UBXN4: variants seen among roughly 807,000 people sequenced by gnomAD.
UBXN4 encodes the protein UBX domain-containing protein 4.
In UBXN4, 35 loss-of-function variants were observed where a neutral mutation model predicts 66.2. That is an observed-to-expected ratio of 0.53 (90% CI 0.40 to 0.70). The LOEUF (loss-of-function observed/expected upper bound fraction) is 0.70. Among genes scored for constraint, UBXN4 ranks in the 30% least tolerant of loss-of-function variants. UBXN4 has a pLI of 0.00. For missense variants in UBXN4, 533 were observed against 599.8 expected (o/e 0.89, Z 1.16); for synonymous variants, 203 against 204.5 (o/e 0.99, Z 0.06).
intron 9 of UBXN4, among the ~76,000 whole-genome samples, chr2:135,775,600 G>A (rs2077410033): frequency 6.6e-6 from 1 of 152,186 alleles, no homozygotes; most frequent in South Asian, 2.1e-4. Context: ...CGTAGAGATA[G>A]TAGATTAGTG....
intron 7 of UBXN4, among the ~76,000 whole-genome samples, chr2:135,770,050 A>G (rs2105504709): frequency 6.6e-6 from 1 of 152,278 alleles, no homozygotes; most frequent in Admixed American, 6.5e-5. Context: ...TCCCTCTGCA[A>G]TGATTTTTTT....
In UBXN4 at chr2:135,780,424, G is replaced by A. The variant is rs779956155; in HGVS notation, c.1388+39G>A. 6.3e-6 allele frequency: 10 copies of A among 1,582,032 alleles called. No individual in the cohort carries two copies. The East Asian group carries it at 2.0e-4, about 32-fold the overall frequency. On this transcript the variant is annotated intron_variant, in intron 12 of 12. Transcript: ENST00000272638. ...TTTTCCCCATTTATAAAATATGTAA[G>A]TCATGCCCAGTATCTTTTTTAAGTA...
chr2:135,747,414 T>C (rs1193229455), intron 1 of UBXN4, among the ~76,000 whole-genome samples: 3 of 150,538 alleles, frequency 2.0e-5, no homozygotes, highest in Admixed American at 6.6e-5. Flanking sequence ...TCCTTCATGC[T>C]CTATCAAGGT....
At chr2:135,753,740 C>T (rs1234195508) in intron 3 of UBXN4, 173 bp downstream of exon 3, 2 of 581,626 alleles carry the variant, frequency 3.4e-6, no homozygotes, top group South Asian at 6.4e-5. Context: ...TAGGAAATTT[C>T]AAACATATAT....
rs757689203 is a variant in UBXN4 at position 135,774,844 on chromosome 2, CAAA to C, written c.951-1392_951-1390del. On this transcript the variant is annotated intron_variant, in intron 9 of 12. Coordinates refer to ENST00000272638, the MANE Select transcript of UBXN4 (RefSeq NM_014607.4). ...TGGGCGACAGAGTGGGACTCTGTCT[CAAA>C]AAAAAAAAAAAATGCAAAGAACAAC... Among the ~76,000 whole-genome samples, 6 of 83,568 alleles carry C rather than the reference CAAA, an allele frequency of 7.2e-5. No homozygotes were observed. In the East Asian group the frequency reaches 1.1e-3, roughly 15 times the overall value. The allele number at this position is 83,568 out of a possible 152,430, so 54.8% of individuals were successfully genotyped here.
chr2:135,775,978 C>T (rs191064634), intron 9 of UBXN4, among the ~76,000 whole-genome samples: 17 of 152,198 alleles, frequency 1.1e-4, no homozygotes, highest in African/African-American at 3.4e-4. Flanking sequence ...CACGTTGGCC[C>T]GGCTGGTCTT....
intron 5 of UBXN4, among the ~76,000 whole-genome samples, chr2:135,760,707 TCCTATTG>T (rs2077310271): frequency 6.6e-6 from 1 of 152,226 alleles, no homozygotes; most frequent in South Asian, 2.1e-4. Context: ...GTGGTTAATT[TCCTATTG>T]AGCCTCTACT....
chr2:135,782,567 A>G (rs971474688), intron 12 of UBXN4, among the ~76,000 whole-genome samples, 182 bp from the exon 13 acceptor site: 1 of 152,336 alleles, frequency 6.6e-6, no homozygotes, highest in Non-Finnish European at 1.5e-5. Context: ...CTAAACTACC[A>G]AAGACTGCTA....
At chr2:135,743,846 G>A (rs1316685236) in intron 1 of UBXN4, among the ~76,000 whole-genome samples, 1 of 130,362 alleles carries the variant, frequency 7.7e-6, no homozygotes, top group Non-Finnish European at 1.8e-5. Flanking sequence ...TATAGGTCTT[G>A]CCTTTCGGGG....
At chr2:135,776,757 G>T (rs1312805930) in intron 10 of UBXN4, among the ~76,000 whole-genome samples, 1 of 151,842 alleles carries the variant, frequency 6.6e-6, no homozygotes, top group Non-Finnish European at 1.5e-5. Flanking sequence ...GCCATGCCCG[G>T]CTAATTTTTG....
chr2:135,781,144 G>A (rs1309925488), intron 12 of UBXN4, among the ~76,000 whole-genome samples: 5 of 152,212 alleles, frequency 3.3e-5, no homozygotes, highest in East Asian at 3.8e-4. Context: ...ACTTGAGCCC[G>A]GGAGATTGAG....
intron 1 of UBXN4, 92 bp from the exon 2 acceptor site, chr2:135,748,175 A>G (rs2077220865): frequency 4.2e-6 from 4 of 942,886 alleles, no homozygotes; most frequent in Non-Finnish European, 6.1e-6. Flanking sequence ...AGGTGGGATT[A>G]TATTTTATTT....
chr2:135,743,053 T>A (rs557680576), intron 1 of UBXN4, among the ~76,000 whole-genome samples: 1 of 152,218 alleles, frequency 6.6e-6, no homozygotes, highest in Non-Finnish European at 1.5e-5. Flanking sequence ...AAATCAATGT[T>A]TGTGGCTGTT....
intron 6 of UBXN4, among the ~76,000 whole-genome samples, chr2:135,766,424 C>A (rs2077348322): frequency 6.6e-6 from 1 of 152,176 alleles, no homozygotes; most frequent in Admixed American, 6.5e-5. Context: ...TCAGATTTCC[C>A]AGTTGCTCCA....
chr2:135,761,815 A>C lies in UBXN4; in HGVS notation c.509-3A>C. The stretch of plus-strand genomic sequence containing the variant: ...TCTTATTTCTTTTTATTTAATAATT[A>C]AGGAGGAGAAAGTGCAGGCCATGCC... On this transcript the variant is annotated splice_region_variant and splice_polypyrimidine_tract_variant and intron_variant, in intron 5 of 12. Transcript: ENST00000272638. 1 of 1,597,204 alleles carries C rather than the reference A, an allele frequency of 6.3e-7. No homozygotes were observed. The highest frequency in any genetic ancestry group is 8.5e-7 in the Non-Finnish European group (1 of 1,174,584).
Position 135,754,151 on chromosome 2 carries a change from C to G in UBXN4, c.215-8C>G. 6.3e-7 allele frequency: 1 copy of G among 1,594,478 alleles called. No homozygotes were observed. The highest frequency in any genetic ancestry group is 8.6e-7 in the Non-Finnish European group (1 of 1,166,276). ...ACATGAATTGTTAGACTTCATTAAA[C>G]TGTACAGATCCTGTAGTGTGTGTTC... On this transcript the variant is annotated splice_polypyrimidine_tract_variant and splice_region_variant and intron_variant, in intron 3 of 12. Coordinates refer to ENST00000272638, the MANE Select transcript of UBXN4 (RefSeq NM_014607.4).
At chr2:135,759,804 T>C (rs2105498724) in intron 5 of UBXN4, among the ~76,000 whole-genome samples, 1 of 137,442 alleles carries the variant, frequency 7.3e-6, no homozygotes, top group Admixed American at 7.8e-5. Context: ...AGTCTCGCTC[T>C]GTCTCCCAGG....
chr2:135,780,448 TA>T (rs2077442944), intron 12 of UBXN4, 63 bp downstream of exon 12: 1 of 1,528,148 alleles, frequency 6.5e-7, no homozygotes, highest in East Asian at 2.3e-5. Flanking sequence ...CTTTTTTAAG[TA>T]AAAAGTTGAG....
At chr2:135,758,382 T>A (rs961991982) in intron 5 of UBXN4, among the ~76,000 whole-genome samples, 11 of 152,022 alleles carry the variant, frequency 7.2e-5, no homozygotes, top group Non-Finnish European at 2.9e-5. Context: ...CCTAATTTTT[T>A]AATTATATTC....
Sources: allele counts gnomAD v4.1 joint callset (sites outside exome capture counted in the v4.1 genomes callset), GRCh38; gene constraint gnomAD v4.1.1; transcripts MANE v1.5; gene names NCBI Gene and HGNC (gene_info 2026-07-23, HGNC 2026-07-21).